Variants in CAMTA1 observed in about 807,000 individuals in gnomAD.
CAMTA1 encodes calmodulin binding transcription activator 1.
Under a neutral mutation model 170.9 loss-of-function variants are expected in CAMTA1, and 27 were observed. The ratio of observed to expected loss-of-function variants is 0.16; its 90% CI spans 0.12 to 0.22. The LOEUF (loss-of-function observed/expected upper bound fraction) is 0.22. Ranked by LOEUF, CAMTA1 falls within the 10% of genes least tolerant of loss-of-function variation. CAMTA1 has a pLI of 1.00. For synonymous variants in CAMTA1, 833 were observed against 891.5 expected (o/e 0.93, Z 1.17); for missense variants, 1,619 against 2,217.2 (o/e 0.73, Z 5.42).
At chr1:7,415,647 G>A (rs1265933329) in intron 5 of CAMTA1, among the ~76,000 whole-genome samples, 2 of 152,156 alleles carry the variant, frequency 1.3e-5, no homozygotes, top group East Asian at 3.8e-4. Flanking sequence ...TTGAGCCTAT[G>A]TGTGTTTCTG....
At chr1:7,323,507 CTTTTTTTTTTTTTTT>C (rs56382342) in intron 5 of CAMTA1, among the ~76,000 whole-genome samples, 1 of 108,998 alleles carries the variant, frequency 9.2e-6, no homozygotes, top group Non-Finnish European at 1.7e-5. Flanking sequence ...CTTTATTCTT[CTTTTTTTTTTTTTTT>C]TTTTTTTTTT....
intron 4 of CAMTA1, among the ~76,000 whole-genome samples, chr1:7,185,801 T>C (rs1653134022): frequency 6.6e-6 from 1 of 152,214 alleles, no homozygotes; most frequent in African/African-American, 2.4e-5. Flanking sequence ...CTGAGTGATG[T>C]CTACAAAATA....
chr1:6,847,764 C>T (rs1431836411), intron 3 of CAMTA1, among the ~76,000 whole-genome samples: 2 of 150,258 alleles, frequency 1.3e-5, no homozygotes, highest in African/African-American at 4.9e-5. Context: ...AGTACAGTGG[C>T]GGGATCTCTG....
At chr1:6,884,335 C>CACAA (rs776481131) in intron 3 of CAMTA1, among the ~76,000 whole-genome samples, 10,174 of 143,408 alleles carry the variant, frequency 0.071, 427 homozygotes, top group Middle Eastern at 0.12. Context: ...CACACACACA[C>CACAA]AATTTTGTTT....
intron 6 of CAMTA1, among the ~76,000 whole-genome samples, chr1:7,563,950 G>C (rs946041214): frequency 6.6e-6 from 1 of 152,208 alleles, no homozygotes; most frequent in Non-Finnish European, 1.5e-5. Flanking sequence ...GGAGGGTAAA[G>C]CGAGGAGGGG....
At chr1:7,410,977 GTA>G (rs2090688214) in intron 5 of CAMTA1, among the ~76,000 whole-genome samples, 3 of 151,786 alleles carry the variant, frequency 2.0e-5, no homozygotes, top group East Asian at 1.9e-4. Context: ...GTATGTGTGT[GTA>G]TATGTGTTTG....
intron 4 of CAMTA1, among the ~76,000 whole-genome samples, chr1:7,205,642 A>C (rs755872838): frequency 1.1e-4 from 16 of 152,084 alleles, no homozygotes; most frequent in Non-Finnish European, 1.8e-4. Flanking sequence ...ATTTATTTTC[A>C]TGCTTTTACT....
chr1:7,378,024 C>T (rs576222085), intron 5 of CAMTA1, among the ~76,000 whole-genome samples: 2 of 152,206 alleles, frequency 1.3e-5, no homozygotes, highest in East Asian at 3.9e-4. Flanking sequence ...ATCAAGAAGG[C>T]GCCATAGAGA....
chr1:6,819,283 C>A, intron 1 of CAMTA1, among the ~76,000 whole-genome samples: 1 of 149,996 alleles, frequency 6.7e-6, no homozygotes. Context: ...AATAATTGGC[C>A]GTCAATATTC....
intron 6 of CAMTA1, among the ~76,000 whole-genome samples, chr1:7,479,116 G>A (rs550080793): frequency 2.6e-5 from 4 of 152,324 alleles, no homozygotes; most frequent in East Asian, 3.9e-4. Context: ...CTGTGTGGGC[G>A]TGTCAGAGAC....
rs181133320 is a variant in CAMTA1, at chr1:7,125,499, A to G, written c.302+34128A>G. ...GAGACCATGATGGGTGGCATAAAAC[A>G]TGGCAGTTGCTTACCCATCCATAGG... On this transcript the variant is annotated intron_variant, in intron 4 of 22. Coordinates refer to ENST00000303635, the MANE Select transcript of CAMTA1 (RefSeq NM_015215.4). 6.6e-5 allele frequency among the ~76,000 whole-genome samples: 10 copies of G among 152,270 alleles called. No individual in the cohort carries two copies. The East Asian group carries it at 1.9e-3, about 29-fold the overall frequency.
chr1:6,804,176 CTT>C (rs889875577), intron 1 of CAMTA1, among the ~76,000 whole-genome samples: 15 of 116,456 alleles, frequency 1.3e-4, no homozygotes, highest in East Asian at 2.5e-4. Context: ...GAGCGAAACT[CTT>C]TTTTTTTTTT....
rs546124514 is a variant in CAMTA1, at chr1:7,470,339, G to A, written c.510+2438G>A. 3.9e-5 allele frequency among the ~76,000 whole-genome samples: 6 copies of A among 152,322 alleles called. No individual in the cohort carries two copies. The East Asian group carries it at 7.7e-4, about 20-fold the overall frequency. ...GGTGCCGCTCAGGGCAATTTGTTCTGGTGCTAATTACAACACCAGGATAAT... is the reference window on the plus strand; with the variant it reads ...GGTGCCGCTCAGGGCAATTTGTTCTAGTGCTAATTACAACACCAGGATAAT... On this transcript the variant is annotated intron_variant, in intron 6 of 22. Coordinates refer to ENST00000303635, the MANE Select transcript of CAMTA1 (RefSeq NM_015215.4).
intron 11 of CAMTA1, among the ~76,000 whole-genome samples, chr1:7,724,542 G>C (rs530733644): frequency 6.6e-6 from 1 of 152,146 alleles, no homozygotes; most frequent in African/African-American, 2.4e-5. Context: ...TCAAAAGATT[G>C]CATGTATGGG....
At chr1:7,625,812 G>A (rs550877399) in intron 6 of CAMTA1, among the ~76,000 whole-genome samples, 1 of 152,206 alleles carries the variant, frequency 6.6e-6, no homozygotes, top group African/African-American at 2.4e-5. Flanking sequence ...TCTGGGAAGG[G>A]CCTGGCCTGC....
rs1463720539 is a variant in CAMTA1 at position 6,918,231 on chromosome 1, A to G, written c.234+93021A>G. Among the ~76,000 whole-genome samples the G allele has an allele frequency of 3.9e-5, 6 of 152,220 alleles. No individual in the cohort carries two copies. The highest frequency in any genetic ancestry group is 7.3e-5 in the Non-Finnish European group (5 of 68,036). On this transcript the variant is annotated intron_variant, in intron 3 of 22. Transcript: ENST00000303635. The surrounding 1 kb of genome is among the most constrained non-coding windows in gnomAD (Gnocchi z 4.0). ...TTGGAGGAGGAGAAACCTTTCACCC[A>G]GCCCTAAACCAGCTGCTTCTGGAGA...
intron 5 of CAMTA1, among the ~76,000 whole-genome samples, chr1:7,259,332 A>G (rs61780031): frequency 0.17 from 26,033 of 152,146 alleles, 2,810 homozygotes; most frequent in Non-Finnish European, 0.24. Flanking sequence ...AAAACCTGAG[A>G]CCGGCGCAAA....
At position 7,562,005 on chromosome 1, in the gene CAMTA1, G is replaced by A. The variant is rs1057223156; in HGVS notation, c.511-78395G>A. Among the ~76,000 whole-genome samples the A allele has an allele frequency of 6.6e-6, 1 of 152,188 alleles. No individual in the cohort carries two copies. Among genetic ancestry groups the A allele is most frequent in the Non-Finnish European group, 1.5e-5 (1 of 68,040 alleles). On this transcript the variant is annotated intron_variant, in intron 6 of 22. Coordinates refer to ENST00000303635, the MANE Select transcript of CAMTA1 (RefSeq NM_015215.4). The surrounding 1 kb of genome is among the most constrained non-coding windows in gnomAD (Gnocchi z 4.8). ...AACGCAGTCTCCAGAGAGATCATGA[G>A]GCTTTCTGCAGACTTTGTCCCCATC...
chr1:6,901,705 CA>C (rs1282030796), intron 3 of CAMTA1, among the ~76,000 whole-genome samples: 1 of 151,920 alleles, frequency 6.6e-6, no homozygotes, highest in East Asian at 1.9e-4. Context: ...AAAATAAAAC[CA>C]AAAAGACCCT....
Sources: allele counts gnomAD v4.1 joint callset (sites outside exome capture counted in the v4.1 genomes callset), GRCh38; gene constraint gnomAD v4.1.1; non-coding constraint Gnocchi (gnomAD v3.1); transcripts MANE v1.5; gene names NCBI Gene and HGNC (gene_info 2026-07-23, HGNC 2026-07-21).